MPP3: variants seen among roughly 807,000 people sequenced by gnomAD.
MPP3 encodes MAGUK p55 subfamily member 3.
A neutral mutation model predicts 80.7 loss-of-function variants in MPP3; 48 were observed. That is an observed-to-expected ratio of 0.59 (90% confidence interval 0.47 to 0.76). The LOEUF is 0.76. Ranked by LOEUF, MPP3 falls within the 30% of genes least tolerant of loss-of-function variation. The pLI is 0.00. For synonymous variants in MPP3, 311 were observed against 297.6 expected, an observed-to-expected ratio of 1.04 and a Z score of -0.46; for missense variants, 620 against 763.0, an observed-to-expected ratio of 0.81 and a Z score of 2.21.
chr17:43,827,681 G>T (rs2045776223), intron 8 of MPP3, 70 bp downstream of exon 8: 1 of 1,473,826 alleles, frequency 6.8e-7, no homozygotes, highest in Non-Finnish European at 9.4e-7. Flanking sequence ...GGACCTATTA[G>T]CAAAGGTGGA....
At chr17:43,818,145 G>A (rs769020078) in intron 11 of MPP3, 35 bp from the exon 12 acceptor site, 7 of 1,454,956 alleles carry the variant, frequency 4.8e-6, no homozygotes, top group Non-Finnish European at 5.5e-6. Flanking sequence ...GGGCCCGTGA[G>A]CTGGGCCAGA....
In MPP3 at chr17:43,814,369, G is replaced by C; in HGVS notation, c.1010-8C>G. 1 of 1,594,558 alleles carries C rather than the reference G, an allele frequency of 6.3e-7. No individual in the cohort carries two copies. Among genetic ancestry groups the C allele is most frequent in the African/African-American group, 1.3e-5 (1 of 74,808 alleles). Reference sequence around the variant, plus strand: ...AGCTCCTCCGAAGACCAGCTTGGGAGGAGGGGCAGAGGGACACCATGGCAT... The same window carrying C: ...AGCTCCTCCGAAGACCAGCTTGGGACGAGGGGCAGAGGGACACCATGGCAT... On this transcript the variant is annotated splice_polypyrimidine_tract_variant and splice_region_variant and intron_variant, in intron 14 of 19. Transcript: ENST00000398389.
chr17:43,827,332 T>TC lies in MPP3; in HGVS notation c.523+418_523+419insG, dbSNP rs1277824417. Among the ~76,000 whole-genome samples the TC allele has an allele frequency of 1.6e-4, 23 of 146,496 alleles. No homozygotes were observed. The East Asian group carries it at 3.9e-3, about 25-fold the overall frequency. On this transcript the variant is annotated intron_variant, in intron 8 of 19. Coordinates refer to ENST00000398389, the MANE Select transcript of MPP3 (RefSeq NM_001932.6). ...TGCCTGGCTTTTTTTTTTTTTTCTT[T>TC]TTTTTTTTTTTTTGAGACAGAGTCT...
At chr17:43,803,541 G>A (rs894227656) in intron 19 of MPP3, among the ~76,000 whole-genome samples, 6 of 152,148 alleles carry the variant, frequency 3.9e-5, no homozygotes, top group Non-Finnish European at 8.8e-5. Context: ...CGGGTCAGAA[G>A]CCAGAAGCCC....
At chr17:43,820,711 A>G in intron 11 of MPP3, 151 bp downstream of exon 11, 1 of 664,736 alleles carries the variant, frequency 1.5e-6, no homozygotes, top group Non-Finnish European at 2.6e-6. Context: ...GTTATGGGAA[A>G]AGACCAAACA....
At chr17:43,813,601 C>A (rs2044969077) in intron 16 of MPP3, among the ~76,000 whole-genome samples, 1 of 152,126 alleles carries the variant, frequency 6.6e-6, no homozygotes, top group Non-Finnish European at 1.5e-5. Flanking sequence ...CCGAGAAATA[C>A]CACTCACAGG....
At position 43,831,876 on chromosome 17, in the gene MPP3, A is replaced by G. The variant is rs763114454; in HGVS notation, c.25+6T>C. ...GTGGCAGGTCCAGCCGGGGGGAGGT[A>G]CTTACCAGAGTCCTCCGATAGCACT... On this transcript the variant is annotated splice_donor_region_variant and intron_variant, in intron 3 of 19. Transcript: ENST00000398389. 1 of 1,607,230 alleles carries G rather than the reference A, an allele frequency of 6.2e-7. No homozygotes were observed. Among genetic ancestry groups the G allele is most frequent in the Non-Finnish European group, 8.5e-7 (1 of 1,177,572 alleles).
Position 43,818,050 on chromosome 17 carries a change from G to A in MPP3, c.942C>T (p.Pro314=). The change falls in exon 12 of 20, where the codon CCC becomes CCT. Residue 314 remains proline (P), a synonymous_variant. Transcript: ENST00000398389. ...CATCCCTGACAATCTACTCACAGGGGGGCTTCCTGAGGCTCTGGGGGCTCG... is the reference window on the plus strand; with the variant it reads ...CATCCCTGACAATCTACTCACAGGGAGGCTTCCTGAGGCTCTGGGGGCTCG... ...TLPSPQSLRK[P]PYDQPCDKET... 6.3e-7 allele frequency: 1 copy of A among 1,583,040 alleles called. No homozygotes were observed. The highest frequency in any genetic ancestry group is 8.6e-7 in the Non-Finnish European group (1 of 1,164,294).
chr17:43,804,987 C>T (rs910807378), intron 19 of MPP3, among the ~76,000 whole-genome samples: 1 of 152,098 alleles, frequency 6.6e-6, no homozygotes, highest in African/African-American at 2.4e-5. Flanking sequence ...CATTGCGCTC[C>T]AGCCTGGGCA....
intron 19 of MPP3, 51 bp downstream of exon 19, chr17:43,808,905 T>A (rs1428857366): frequency 6.4e-7 from 1 of 1,565,296 alleles, no homozygotes; most frequent in Non-Finnish European, 8.6e-7. Context: ...AGCGTTCCTG[T>A]AACAGCCTCC....
intron 8 of MPP3, 81 bp from the exon 9 acceptor site, chr17:43,825,922 C>A (rs1409697205): frequency 1.1e-6 from 1 of 900,176 alleles, no homozygotes; most frequent in Non-Finnish European, 1.8e-6. Context: ...ACCACAGGGG[C>A]CGGCCTGAGA....
At chr17:43,817,840 A>C in intron 12 of MPP3, 24 of 364,844 alleles carry the variant, frequency 6.6e-5, no homozygotes, top group Middle Eastern at 7.9e-4. Context: ...AGCATCATCT[A>C]TGGACTCCAA....
At chr17:43,832,705 C>A (rs974630196) in intron 2 of MPP3, 56 bp downstream of exon 2, 1 of 152,746 alleles carries the variant, frequency 6.5e-6, no homozygotes, top group African/African-American at 2.4e-5. Flanking sequence ...GTAAGAGCGG[C>A]CCCGGGCCCT....
intron 7 of MPP3, 88 bp from the exon 8 acceptor site, chr17:43,827,920 T>TC (rs1666979980): frequency 8.1e-7 from 1 of 1,233,440 alleles, no homozygotes; most frequent in African/African-American, 1.5e-5. Flanking sequence ...GCCTCCCCAG[T>TC]CCCTCCCTCT....
At chr17:43,815,900 G>T in intron 14 of MPP3, 138 bp downstream of exon 14, 1 of 806,092 alleles carries the variant, frequency 1.2e-6, no homozygotes, top group Non-Finnish European at 1.9e-6. Flanking sequence ...AGAGAACTGA[G>T]GAGAGATGGG....
In MPP3 at chr17:43,814,328, C is replaced by T. The variant is rs1277391188; in HGVS notation, c.1043G>A (p.Arg348Lys). The stretch of plus-strand genomic sequence containing the variant: ...TTCCTGCGAGCCACCCAGTCTCTCC[C>T]TACAGCCCAGCCGGAAGCTCCTCCG... ...GLRRSFRLGC[R>K]ERLGGSQEGK... Residue 348 changes from arginine to lysine, a missense_variant, in exon 15 of 20, where the codon AGG becomes AAG. Coordinates refer to ENST00000398389, the MANE Select transcript of MPP3 (RefSeq NM_001932.6). The T allele has an allele frequency of 6.2e-7, 1 of 1,609,448 alleles. No homozygotes were observed. The highest frequency in any genetic ancestry group is 1.7e-5 in the Admixed American group (1 of 59,962).
At chr17:43,830,665 T>C (rs2045919208) in intron 5 of MPP3, among the ~76,000 whole-genome samples, 1 of 152,204 alleles carries the variant, frequency 6.6e-6, no homozygotes, top group South Asian at 2.1e-4. Context: ...CCCAGGGCTC[T>C]GCACCCACAA....
chr17:43,815,529 G>A (rs2045074266), intron 14 of MPP3, among the ~76,000 whole-genome samples: 1 of 151,880 alleles, frequency 6.6e-6, no homozygotes, highest in Non-Finnish European at 1.5e-5. Context: ...TTGAGCCTAG[G>A]ACATTGAGGC....
intron 19 of MPP3, among the ~76,000 whole-genome samples, chr17:43,806,277 T>C (rs1025338036): frequency 3.3e-5 from 5 of 152,328 alleles, no homozygotes; most frequent in African/African-American, 1.2e-4. Context: ...GTGATTTTCC[T>C]GCCTCAGCCT....
Sources: gnomAD v4.1 joint callset for allele counts (sites outside exome capture counted in the v4.1 genomes callset) on GRCh38, gnomAD v4.1.1 for gene constraint, MANE v1.5 for transcripts, NCBI Gene and HGNC (gene_info 2026-07-23, HGNC 2026-07-21) for gene names.